FNDC3A: variants seen among roughly 807,000 people sequenced by gnomAD.
The protein encoded by FNDC3A is fibronectin type III domain containing 3A, also known as fibronectin type-III domain-containing protein 3A.
In FNDC3A, 32 loss-of-function variants were observed where a neutral mutation model predicts 148.9. The observed-to-expected ratio is 0.21, with a 90% CI of 0.16 to 0.29. The LOEUF (loss-of-function observed/expected upper bound fraction) is 0.29. Ranked by LOEUF, FNDC3A falls within the 10% of genes least tolerant of loss-of-function variation. The probability of loss-of-function intolerance (pLI) is 1.00; values close to 1 mark genes in which losing one functional copy is unlikely to be tolerated. For missense variants in FNDC3A, 1,191 were observed against 1,452.8 expected (o/e 0.82, Z 2.93); for synonymous variants, 472 against 473.6 (o/e 1.00, Z 0.04).
intron 1 of FNDC3A, among the ~76,000 whole-genome samples, chr13:49,005,388 A>T (rs1156693259): frequency 1.3e-5 from 2 of 151,878 alleles, no homozygotes; most frequent in East Asian, 1.9e-4. Context: ...TAATTTGCTG[A>T]TGTTTTATTG....
intron 5 of FNDC3A, among the ~76,000 whole-genome samples, chr13:49,132,737 C>A (rs1043879792): frequency 2.6e-5 from 4 of 152,300 alleles, no homozygotes; most frequent in Non-Finnish European, 4.4e-5. Context: ...TTGCCTCGGT[C>A]CCTGTGTACA....
At chr13:49,009,743 G>C (rs1030330265) in intron 2 of FNDC3A, among the ~76,000 whole-genome samples, 1 of 152,188 alleles carries the variant, frequency 6.6e-6, no homozygotes, top group Non-Finnish European at 1.5e-5. Flanking sequence ...GAAGATTTCA[G>C]ATGTTTTAGT....
chr13:49,193,901 A>C (rs1249268661), intron 19 of FNDC3A, among the ~76,000 whole-genome samples: 1 of 152,022 alleles, frequency 6.6e-6, no homozygotes, highest in African/African-American at 2.4e-5. Flanking sequence ...CCTGGGCGAC[A>C]GAGTGAGACT....
chr13:49,137,491 C>G (rs1239516385), intron 6 of FNDC3A, among the ~76,000 whole-genome samples: 2 of 152,108 alleles, frequency 1.3e-5, no homozygotes, highest in Non-Finnish European at 2.9e-5. Context: ...ACTAAAGGCG[C>G]ATGCCACCAC....
intron 3 of FNDC3A, among the ~76,000 whole-genome samples, chr13:49,078,929 T>G (rs931389432): frequency 6.6e-6 from 1 of 152,220 alleles, no homozygotes; most frequent in African/African-American, 2.4e-5. Context: ...ACAGCCACTA[T>G]ACTAATAAAA....
intron 8 of FNDC3A, among the ~76,000 whole-genome samples, chr13:49,158,399 C>T (rs1883863290): frequency 6.6e-6 from 1 of 152,228 alleles, no homozygotes; most frequent in Non-Finnish European, 1.5e-5. Flanking sequence ...TACGCGCGCT[C>T]ACTGACCTGC....
chr13:49,197,660 T>A, intron 20 of FNDC3A, 65 bp from the exon 21 acceptor site: 1 of 1,436,396 alleles, frequency 7.0e-7, no homozygotes, highest in South Asian at 1.3e-5. Context: ...GTAAAGAGCA[T>A]TTTTGGCCAA....
At chr13:49,138,894 C>A in intron 7 of FNDC3A, 89 bp downstream of exon 7, 1 of 691,736 alleles carries the variant, frequency 1.4e-6, no homozygotes. Context: ...TTTCTTTTAA[C>A]TTTTTATGAA....
intron 2 of FNDC3A, among the ~76,000 whole-genome samples, chr13:49,060,198 AAAC>A (rs1046754802): frequency 2.0e-5 from 3 of 152,258 alleles, no homozygotes; most frequent in Non-Finnish European, 4.4e-5. Flanking sequence ...AAAGAAATGA[AAAC>A]AAGTACTGAA....
chr13:49,000,941 T>C (rs1174038526), intron 1 of FNDC3A, among the ~76,000 whole-genome samples: 2 of 150,808 alleles, frequency 1.3e-5, no homozygotes, highest in African/African-American at 4.9e-5. Flanking sequence ...ATTCACTTAT[T>C]AGTTCTAACA....
intron 2 of FNDC3A, among the ~76,000 whole-genome samples, chr13:49,070,127 T>C (rs1877548077): frequency 1.3e-5 from 2 of 152,118 alleles, no homozygotes; most frequent in Admixed American, 1.3e-4. Flanking sequence ...TTTTAAAATT[T>C]ATTTTTATTT....
intron 2 of FNDC3A, among the ~76,000 whole-genome samples, chr13:49,050,178 G>A (rs1436506453): frequency 6.6e-6 from 1 of 152,008 alleles, no homozygotes; most frequent in Admixed American, 6.6e-5. Context: ...TTTCTTCTGA[G>A]TTTGGATCTG....
chr13:49,168,852 T>C lies in FNDC3A; in HGVS notation c.1176+101T>C, dbSNP rs1160645082. On this transcript the variant is annotated intron_variant, in intron 10 of 25. Transcript: ENST00000492622. ...GTTGCTGGAGACAAAGAGCTTTAAT[T>C]TGTTCCTGCTTTTTACATATAAGAC... The C allele has an allele frequency of 2.8e-6, 3 of 1,069,612 alleles. No individual in the cohort carries two copies. In the African/African-American group the frequency reaches 4.8e-5, roughly 17 times the overall value. The allele number at this position is 1,069,612 out of a possible 1,614,324, so 66.3% of individuals were successfully genotyped here. A position where few individuals can be genotyped will look rare whatever the true frequency, so the allele number is the denominator to read the frequency against.
chr13:49,001,296 A>G (rs1277564460), intron 1 of FNDC3A, among the ~76,000 whole-genome samples: 2 of 152,130 alleles, frequency 1.3e-5, no homozygotes, highest in African/African-American at 2.4e-5. Context: ...CCTGTCTTTA[A>G]TCTCTTAATC....
chr13:49,060,971 TTAATA>T (rs1207495950), intron 2 of FNDC3A, among the ~76,000 whole-genome samples: 1 of 152,158 alleles, frequency 6.6e-6, no homozygotes, highest in African/African-American at 2.4e-5. Flanking sequence ...AGGTTACACT[TTAATA>T]TGGTTAATTT....
intron 2 of FNDC3A, among the ~76,000 whole-genome samples, chr13:49,068,113 C>T (rs756040204): frequency 6.0e-5 from 9 of 151,252 alleles, no homozygotes; most frequent in East Asian, 1.9e-4. Context: ...CTGGGCGGAT[C>T]GCTTGAGGCC....
intron 2 of FNDC3A, among the ~76,000 whole-genome samples, chr13:49,008,118 A>C (rs1338441728): frequency 1.3e-5 from 2 of 152,188 alleles, no homozygotes; most frequent in Non-Finnish European, 2.9e-5. Context: ...TAAAGCACTC[A>C]ATAAATATTT....
Position 49,166,752 on chromosome 13 carries a change from T to C in FNDC3A, c.978-492T>C, listed in dbSNP as rs79277116. 2.6e-3 allele frequency among the ~76,000 whole-genome samples: 399 copies of C among 152,342 alleles called. 10 individuals carry two copies. The East Asian group carries it at 0.042, about 16-fold the overall frequency. ...GCTTACTTCCTTCTCCTTCCTTGTT[T>C]TACATGTTTCCAGTTTAATTCCAGT... is the stretch of plus-strand genomic sequence containing the variant. On this transcript the variant is annotated intron_variant, in intron 8 of 25. Coordinates refer to ENST00000492622, the MANE Select transcript of FNDC3A (RefSeq NM_001079673.2).
At chr13:49,166,354 C>T (rs1884461226) in intron 8 of FNDC3A, among the ~76,000 whole-genome samples, 1 of 152,184 alleles carries the variant, frequency 6.6e-6, no homozygotes, top group Admixed American at 6.5e-5. Flanking sequence ...CTGAAAGCAG[C>T]AGCCAGTGAC....
Sources: gnomAD v4.1 joint callset for allele counts (sites outside exome capture counted in the v4.1 genomes callset) on GRCh38, gnomAD v4.1.1 for gene constraint, MANE v1.5 for transcripts, NCBI Gene and HGNC (gene_info 2026-07-23, HGNC 2026-07-21) for gene names.